SEMA5A: variants seen among roughly 807,000 people sequenced by gnomAD.
SEMA5A encodes semaphorin-5A.
Under a neutral mutation model 135.5 loss-of-function variants are expected in SEMA5A, and 55 were observed. The ratio of observed to expected loss-of-function variants is 0.41; its 90% CI spans 0.33 to 0.51. The LOEUF is 0.51. Ranked by LOEUF, SEMA5A falls within the 20% of genes least tolerant of loss-of-function variation. SEMA5A has a pLI of 0.37. For missense variants in SEMA5A, 1,290 were observed against 1,419.9 expected (o/e 0.91, Z 1.47); for synonymous variants, 580 against 546.5 (o/e 1.06, Z -0.85).
chr5:9,268,550 A>G (rs1440639804), intron 5 of SEMA5A, among the ~76,000 whole-genome samples: 3 of 152,206 alleles, frequency 2.0e-5, no homozygotes, highest in Admixed American at 2.0e-4. Flanking sequence ...TGGAATTTGA[A>G]TAAAGCTAAA....
intron 2 of SEMA5A, among the ~76,000 whole-genome samples, chr5:9,403,774 G>A (rs1312098267): frequency 6.6e-6 from 1 of 152,138 alleles, no homozygotes; most frequent in African/African-American, 2.4e-5. Context: ...AAATAGGAGG[G>A]AACGAGAGAA....
intron 16 of SEMA5A, among the ~76,000 whole-genome samples, chr5:9,079,170 T>C (rs1225000925): frequency 6.6e-6 from 1 of 152,050 alleles, no homozygotes; most frequent in African/African-American, 2.4e-5. Context: ...AAACTAACAC[T>C]CCTTAGCAAA....
chr5:9,226,202 T>C (rs1468230414), intron 7 of SEMA5A, among the ~76,000 whole-genome samples: 1 of 152,188 alleles, frequency 6.6e-6, no homozygotes, highest in Non-Finnish European at 1.5e-5. Flanking sequence ...TTGAGGAAAG[T>C]TGTGCAACCA....
intron 11 of SEMA5A, among the ~76,000 whole-genome samples, chr5:9,167,738 T>C (rs908892436): frequency 3.3e-5 from 5 of 152,178 alleles, no homozygotes; most frequent in African/African-American, 9.7e-5. Context: ...TCAACTAAGA[T>C]AGTGCATTAA....
At chr5:9,247,205 G>T (rs1001857543) in intron 5 of SEMA5A, among the ~76,000 whole-genome samples, 8 of 152,032 alleles carry the variant, frequency 5.3e-5, no homozygotes, top group Admixed American at 5.2e-4. Context: ...TTTTCAAGAG[G>T]AATATCCCAT....
intron 5 of SEMA5A, among the ~76,000 whole-genome samples, chr5:9,244,830 C>T (rs1748401930): frequency 1.3e-5 from 2 of 152,208 alleles, no homozygotes; most frequent in African/African-American, 4.8e-5. Flanking sequence ...CGTGTTGCAC[C>T]TCTGTGGCAA....
chr5:9,443,342 GA>G (rs1201102717), intron 1 of SEMA5A, among the ~76,000 whole-genome samples: 1 of 152,130 alleles, frequency 6.6e-6, no homozygotes, highest in African/African-American at 2.4e-5. Flanking sequence ...AAAGCAGAGA[GA>G]GGGGAGAGGG....
intron 12 of SEMA5A, among the ~76,000 whole-genome samples, chr5:9,139,704 T>C (rs1174354852): frequency 2.0e-5 from 3 of 152,210 alleles, no homozygotes; most frequent in African/African-American, 7.2e-5. Context: ...CATTTTTTTC[T>C]TGAGATATAC....
chr5:9,216,816 CT>C (rs1479404866), intron 8 of SEMA5A, among the ~76,000 whole-genome samples: 1 of 152,092 alleles, frequency 6.6e-6, no homozygotes, highest in Non-Finnish European at 1.5e-5. Flanking sequence ...GCCTTTTTCT[CT>C]TTTCCATTTG....
chr5:9,221,015 CT>C (rs1268951624), intron 8 of SEMA5A, among the ~76,000 whole-genome samples: 8 of 152,292 alleles, frequency 5.3e-5, no homozygotes, highest in Middle Eastern at 3.4e-3. Flanking sequence ...CCTGTTTCTG[CT>C]GAGAGAAAAT....
intron 5 of SEMA5A, among the ~76,000 whole-genome samples, chr5:9,317,838 C>T (rs931066124): frequency 6.6e-5 from 10 of 152,118 alleles, no homozygotes; most frequent in African/African-American, 2.4e-4. Flanking sequence ...AAAATAAATA[C>T]TTCATTTAAG....
Position 9,392,855 on chromosome 5 carries a change from G to T in SEMA5A, c.-77-12832C>A, listed in dbSNP as rs116111156. Among the ~76,000 whole-genome samples the T allele has an allele frequency of 1.6e-3, 246 of 152,228 alleles. 4 individuals carry two copies. Among genetic ancestry groups the T allele is most frequent in the African/African-American group, 5.7e-3 (238 of 41,556 alleles). On this transcript the variant is annotated intron_variant, in intron 2 of 22. Coordinates refer to ENST00000382496, the MANE Select transcript of SEMA5A (RefSeq NM_003966.3). ...GCCAAGATACCTTCTACTAAATAAA[G>T]GCAATGAATCATCCACTTTATTTTA...
chr5:9,037,223 C>G lies in SEMA5A; in HGVS notation c.*5674G>C, dbSNP rs1402018096. 6.6e-6 allele frequency: 1 copy of G among 152,216 alleles called. No homozygotes were observed. The highest frequency in any genetic ancestry group is 2.4e-5 in the African/African-American group (1 of 41,448). The allele number at this position is 152,216 out of a possible 1,614,324, so 9.4% of individuals were successfully genotyped here. On this transcript the variant is annotated 3_prime_UTR_variant, in exon 23 of 23. Coordinates refer to ENST00000382496, the MANE Select transcript of SEMA5A (RefSeq NM_003966.3). ...ACTAGTTCCTGCCATTGCGCCAACA[C>G]TGTAAAACATGTTTGCTTGAGCAAG...
At chr5:9,272,087 C>T (rs929984706) in intron 5 of SEMA5A, among the ~76,000 whole-genome samples, 2 of 152,078 alleles carry the variant, frequency 1.3e-5, no homozygotes, top group Non-Finnish European at 2.9e-5. Context: ...TTCAACCCCA[C>T]AGAGCTCAGC....
intron 16 of SEMA5A, among the ~76,000 whole-genome samples, chr5:9,097,880 G>A (rs1739409115): frequency 6.6e-6 from 1 of 152,218 alleles, no homozygotes; most frequent in South Asian, 2.1e-4. Flanking sequence ...CAAAAAGGGA[G>A]TACTTGGCTG....
Position 9,144,623 on chromosome 5 carries a change from A to G in SEMA5A, c.1482-8002T>C, listed in dbSNP as rs552243037. Among the ~76,000 whole-genome samples, 4 of 152,334 alleles carry G rather than the reference A, an allele frequency of 2.6e-5. No homozygotes were observed. In the South Asian group the frequency reaches 8.3e-4, roughly 32 times the overall value. On this transcript the variant is annotated intron_variant, in intron 12 of 22. Transcript: ENST00000382496. The stretch of plus-strand genomic sequence containing the variant: ...GCAGCCGGTGACAGTGGTGAAGGCA[A>G]GCACCTGGCTCTCTTCACACTTGGC...
rs542627617 is a variant in SEMA5A, at chr5:9,518,744, A to T, written c.-175+26840T>A. On this transcript the variant is annotated intron_variant, in intron 1 of 22. Transcript: ENST00000382496. ...CGAGCTTGTGCACTGCTTGATCTTA[A>T]TGGAACCCCATAAGGAGAAAATGAC... Among the ~76,000 whole-genome samples, 3 of 152,304 alleles carry T rather than the reference A, an allele frequency of 2.0e-5. No homozygotes were observed. In the South Asian group the frequency reaches 6.2e-4, roughly 32 times the overall value.
At chr5:9,280,278 A>T (rs1750472012) in intron 5 of SEMA5A, among the ~76,000 whole-genome samples, 1 of 152,220 alleles carries the variant, frequency 6.6e-6, no homozygotes, top group Non-Finnish European at 1.5e-5. Context: ...TGGACCAATC[A>T]CTACAAAAAG....
chr5:9,298,077 T>C (rs1751430278), intron 5 of SEMA5A, among the ~76,000 whole-genome samples: 1 of 152,130 alleles, frequency 6.6e-6, no homozygotes, highest in South Asian at 2.1e-4. Flanking sequence ...AAAGATACGG[T>C]GAAGTCCTAA....
Sources: gnomAD v4.1 joint callset for allele counts (sites outside exome capture counted in the v4.1 genomes callset) on GRCh38, gnomAD v4.1.1 for gene constraint, MANE v1.5 for transcripts, NCBI Gene and HGNC (gene_info 2026-07-23, HGNC 2026-07-21) for gene names.